Variants in FLT4 observed in about 807,000 individuals in gnomAD.
FLT4 encodes vascular endothelial growth factor receptor 3.
FLT4 carries 30 observed loss-of-function variants against 163.2 expected under a neutral mutation model. The ratio of observed to expected loss-of-function variants is 0.18; its 90% CI spans 0.14 to 0.25. The LOEUF is 0.25. FLT4 is among the 10% of genes least tolerant of loss of function. FLT4 has a pLI of 1.00. For missense variants in FLT4, 1,510 were observed against 1,863.8 expected (o/e 0.81, Z 3.50); for synonymous variants, 884 against 789.5 (o/e 1.12, Z -2.01).
Position 180,620,493 on chromosome 5 carries a change from C to T in FLT4, c.2406+116G>A, listed in dbSNP as rs2127811562. The stretch of plus-strand genomic sequence containing the variant: ...CCAGCGTGAAGGGCAGGGAGGCTTC[C>T]CAGGAAACAAGGCTGCCAGGTGAAC... On this transcript the variant is annotated intron_variant, in intron 16 of 29. Transcript: ENST00000261937. The surrounding 1 kb of genome is among the most constrained non-coding windows in gnomAD (Gnocchi z 4.4). 8.4e-7 allele frequency: 1 copy of T among 1,196,716 alleles called. No homozygotes were observed. Among genetic ancestry groups the T allele is most frequent in the Middle Eastern group, 2.0e-4 (1 of 4,984 alleles). The allele number at this position is 1,196,716 out of a possible 1,614,324, so 74.1% of individuals were successfully genotyped here. A position where few individuals can be genotyped will look rare whatever the true frequency, so the allele number is the denominator to read the frequency against.
chr5:180,614,480 GC>G (rs1398608985), intron 23 of FLT4, among the ~76,000 whole-genome samples: 2 of 152,024 alleles, frequency 1.3e-5, no homozygotes, highest in Non-Finnish European at 2.9e-5. Flanking sequence ...CCTTCCTCCA[GC>G]CCTAGACCTC....
chr5:180,637,330 G>C (rs1160922191), intron 1 of FLT4, among the ~76,000 whole-genome samples: 1 of 118,814 alleles, frequency 8.4e-6, no homozygotes, highest in African/African-American at 3.3e-5. Flanking sequence ...TCCGTCTCAG[G>C]AAAAAAAAAA....
intron 1 of FLT4, among the ~76,000 whole-genome samples, chr5:180,645,088 C>A (rs188182310): frequency 6.6e-6 from 1 of 152,158 alleles, no homozygotes; most frequent in Non-Finnish European, 1.5e-5. Context: ...CAGGAAGGGC[C>A]GGTACCACGA....
At chr5:180,616,850 G>A in intron 22 of FLT4, 50 bp downstream of exon 22, 1 of 1,413,978 alleles carries the variant, frequency 7.1e-7, no homozygotes, top group Non-Finnish European at 1.0e-6. Flanking sequence ...CTTGGCGACT[G>A]GTGGGGATGC....
At chr5:180,616,279 G>T in intron 23 of FLT4, 88 bp downstream of exon 23, 1 of 1,572,884 alleles carries the variant, frequency 6.4e-7, no homozygotes, top group South Asian at 1.1e-5. Flanking sequence ...CCCTGTGCCA[G>T]CCCTCCCTCT....
Position 180,602,922 on chromosome 5 carries a change from AC to A in FLT4, c.*269del. 1 of 591,404 alleles carries A rather than the reference AC, an allele frequency of 1.7e-6. No individual in the cohort carries two copies. 36.6% of individuals were successfully genotyped at this position (591,404 alleles called of 1,614,324 possible). On this transcript the variant is annotated 3_prime_UTR_variant, in exon 30 of 30. Transcript: ENST00000261937. Reference sequence around the variant, plus strand: ...TGGAAGTGCTGGCCCCGGGACCAGCACCTGCGGATGCTGAACTAAATGACAT... The same window carrying A: ...TGGAAGTGCTGGCCCCGGGACCAGCACTGCGGATGCTGAACTAAATGACAT...
In FLT4 at chr5:180,603,639, T is replaced by C. The variant is rs933928362; in HGVS notation, c.3894-249A>G. Among the ~76,000 whole-genome samples, 53 of 152,306 alleles carry C rather than the reference T, an allele frequency of 3.5e-4. 1 individual carries two copies. The highest frequency in any genetic ancestry group is 1.5e-3 in the Admixed American group (23 of 15,302). Reference sequence around the variant, plus strand: ...GCTTGAGGCCGGGTGCGGTGGCTCATGCCTGTAATCCCAGCACTTTGCTGG... The same window carrying C: ...GCTTGAGGCCGGGTGCGGTGGCTCACGCCTGTAATCCCAGCACTTTGCTGG... On this transcript the variant is annotated intron_variant, in intron 29 of 29. Transcript: ENST00000261937.
chr5:180,603,670 C>G (rs370214670), intron 29 of FLT4, among the ~76,000 whole-genome samples: 2 of 152,102 alleles, frequency 1.3e-5, no homozygotes, highest in Non-Finnish European at 2.9e-5. Context: ...GCTGGGAGAC[C>G]GAGGCGGGCG....
At chr5:180,624,898 C>A (rs1763479495) in intron 10 of FLT4, among the ~76,000 whole-genome samples, 1 of 152,220 alleles carries the variant, frequency 6.6e-6, no homozygotes, top group Non-Finnish European at 1.5e-5. Flanking sequence ...CGAGCAGGGA[C>A]CCCCCGAAGG....
chr5:180,623,974 GCT>G lies in FLT4; in HGVS notation c.1507_1508del (p.Ser503ProfsTer13). 1 of 1,613,614 alleles carries G rather than the reference GCT, an allele frequency of 6.2e-7. No individual in the cohort carries two copies. Among genetic ancestry groups the G allele is most frequent in the Non-Finnish European group, 8.5e-7 (1 of 1,179,984 alleles). The stretch of plus-strand genomic sequence containing the variant: ...CCACAAACTCGGTCCAGGTGTCCAG[GCT>G]CTCGATGGGGTTCACGGCATCCTGC... ...TTQDAVNPIESLDTWTEFVEG... is the reference protein window; with the variant it reads ...TTQDAVNPIEXLDTWTEFVEG... On this transcript the variant is annotated frameshift_variant, in exon 11 of 30. Transcript: ENST00000261937. LOFTEE classifies it high-confidence loss of function. The surrounding 1 kb of genome is among the most constrained non-coding windows in gnomAD (Gnocchi z 5.8).
In FLT4 at chr5:180,620,869, G is replaced by T. The variant is rs1274093496; in HGVS notation, c.2299+7C>A. 1 of 1,609,704 alleles carries T rather than the reference G, an allele frequency of 6.2e-7. No individual in the cohort carries two copies. On this transcript the variant is annotated splice_region_variant and intron_variant, in intron 15 of 29. Coordinates refer to ENST00000261937, the MANE Select transcript of FLT4 (RefSeq NM_182925.5). The surrounding 1 kb of genome is among the most constrained non-coding windows in gnomAD (Gnocchi z 4.4). The stretch of plus-strand genomic sequence containing the variant: ...AGGGAGTTGAGGGGTGCAGCCTGAG[G>T]CCAGACCTTCCACGGCCACGCTGGC...
At chr5:180,605,941 C>T (rs141786194) in intron 29 of FLT4, among the ~76,000 whole-genome samples, 27 of 152,298 alleles carry the variant, frequency 1.8e-4, no homozygotes, top group African/African-American at 5.5e-4. Flanking sequence ...GGGCGAGTGC[C>T]GACCAGTGGT....
chr5:180,628,270 C>T, intron 8 of FLT4, among the ~76,000 whole-genome samples: 1 of 152,200 alleles, frequency 6.6e-6, no homozygotes. Flanking sequence ...TGAGGGGTGC[C>T]ATGCCCCCCC....
intron 2 of FLT4, 42 bp downstream of exon 2, chr5:180,631,640 G>A (rs766464088): frequency 2.0e-6 from 3 of 1,496,778 alleles, no homozygotes; most frequent in East Asian, 4.5e-5. Context: ...CCTTGGGCTT[G>A]TGCAGCCTCT....
chr5:180,604,875 T>A (rs1303174486), intron 29 of FLT4, among the ~76,000 whole-genome samples: 2 of 152,266 alleles, frequency 1.3e-5, no homozygotes, highest in African/African-American at 4.8e-5. Flanking sequence ...TTTGTTTTCC[T>A]CTTTTCACGT....
At position 180,626,138 on chromosome 5, in the gene FLT4, T is replaced by G; in HGVS notation, c.1231A>C (p.Asn411His). 6.2e-7 allele frequency: 1 copy of G among 1,612,844 alleles called. No individual in the cohort carries two copies. The highest frequency in any genetic ancestry group is 8.5e-7 in the Non-Finnish European group (1 of 1,180,008). The change falls in exon 9 of 30, where the codon AAC (asparagine) becomes CAC (histidine). Residue 411 changes from asparagine (N) to histidine (H), a missense_variant. Asn to His is a moderately conservative substitution (Grantham distance 68). This residue lies in a region of FLT4 where 878 missense variants were observed against 1,016.7 expected (regional missense o/e 0.86). Coordinates refer to ENST00000261937, the MANE Select transcript of FLT4 (RefSeq NM_182925.5). Reference protein sequence around the residue: ...LWNSAAGLRRNISLELVVNVP... With the variant: ...LWNSAAGLRRHISLELVVNVP... ...TTCACCACCAGCTCCAGGCTGATGTTGCGCCTCAGGCCAGCAGCGGAGTTC... is the reference window on the plus strand; with the variant it reads ...TTCACCACCAGCTCCAGGCTGATGTGGCGCCTCAGGCCAGCAGCGGAGTTC...
intron 1 of FLT4, among the ~76,000 whole-genome samples, chr5:180,642,077 G>A (rs968429573): frequency 3.9e-5 from 6 of 152,002 alleles, no homozygotes; most frequent in Non-Finnish European, 8.8e-5. Flanking sequence ...TGTGGTGGCG[G>A]GCGCCTGCAG....
rs1278193007 is a variant in FLT4, at chr5:180,623,896, CCTT to C, written c.1548+36_1548+38del. 1.9e-6 allele frequency: 3 copies of C among 1,612,464 alleles called. No individual in the cohort carries two copies. The highest frequency in any genetic ancestry group is 2.7e-5 in the African/African-American group (2 of 74,936). ...TAATGGCCTCTCTCTCCTCCCTTCT[CCTT>C]CTCCCTGGGCACTCAGCAGCGCGGC... On this transcript the variant is annotated intron_variant, in intron 11 of 29. Coordinates refer to ENST00000261937, the MANE Select transcript of FLT4 (RefSeq NM_182925.5). The surrounding 1 kb of genome is among the most constrained non-coding windows in gnomAD (Gnocchi z 5.8).
At chr5:180,646,969 GC>G (rs1485582494) in intron 1 of FLT4, among the ~76,000 whole-genome samples, 2 of 152,150 alleles carry the variant, frequency 1.3e-5, no homozygotes, top group Non-Finnish European at 2.9e-5. Context: ...AGTCCTCAGA[GC>G]CCTGAGCTGG....
Sources: allele counts gnomAD v4.1 joint callset (sites outside exome capture counted in the v4.1 genomes callset), GRCh38; gene constraint gnomAD v4.1.1; regional missense constraint gnomAD v4.1.1; non-coding constraint Gnocchi (gnomAD v3.1); transcripts MANE v1.5; gene names NCBI Gene and HGNC (gene_info 2026-07-23, HGNC 2026-07-21).